ZNF292: variants seen among roughly 807,000 people sequenced by gnomAD.
ZNF292 encodes 16 zinc-finger domain protein.
A neutral mutation model predicts 217.9 loss-of-function variants in ZNF292; 26 were observed. That is an observed-to-expected ratio of 0.12 (90% CI 0.09 to 0.17). The LOEUF (loss-of-function observed/expected upper bound fraction) is 0.17. Ranked by LOEUF, ZNF292 falls within the 10% of genes least tolerant of loss-of-function variation. The probability of loss-of-function intolerance (pLI) is 1.00; values close to 1 mark genes in which losing one functional copy is unlikely to be tolerated. For synonymous variants in ZNF292, 1,257 were observed against 1,124.1 expected (o/e 1.12, Z -2.37); for missense variants, 2,904 against 3,175.2 (o/e 0.91, Z 2.05).
intron 1 of ZNF292, among the ~76,000 whole-genome samples, chr6:87,179,141 A>G (rs1238625210): frequency 1.5e-5 from 2 of 135,104 alleles, no homozygotes; most frequent in East Asian, 2.3e-4. Context: ...ACAAGTCTGT[A>G]TTTGTGATAT....
At chr6:87,240,710 G>A (rs1452608403) in intron 5 of ZNF292, among the ~76,000 whole-genome samples, 3 of 152,144 alleles carry the variant, frequency 2.0e-5, no homozygotes, top group East Asian at 1.9e-4. Flanking sequence ...GTGAGCCACC[G>A]GGCCCAGCCT....
intron 1 of ZNF292, among the ~76,000 whole-genome samples, chr6:87,214,168 ATATAATGTAGGCAGCTTGGG>A (rs900425236): frequency 2.0e-5 from 3 of 152,174 alleles, no homozygotes; most frequent in Non-Finnish European, 2.9e-5. Flanking sequence ...ATAATCTTGG[ATATAATGTAGGCAGCTTGGG>A]TATAATGTAG....
chr6:87,193,392 A>C (rs1771871095), intron 1 of ZNF292, among the ~76,000 whole-genome samples: 1 of 151,988 alleles, frequency 6.6e-6, no homozygotes, highest in Non-Finnish European at 1.5e-5. Context: ...AAAAATTCAA[A>C]AATTAGCCAG....
intron 4 of ZNF292, among the ~76,000 whole-genome samples, chr6:87,220,902 T>C (rs1425382341): frequency 4.6e-5 from 7 of 152,118 alleles, no homozygotes; most frequent in Non-Finnish European, 1.0e-4. Flanking sequence ...ACCAGAGAGA[T>C]GTTACATGAT....
chr6:87,212,586 T>TC (rs1356796813), intron 1 of ZNF292, among the ~76,000 whole-genome samples: 1 of 152,236 alleles, frequency 6.6e-6, no homozygotes. Context: ...AAAGACCAGT[T>TC]ATTTTTTATT....
Position 87,256,357 on chromosome 6 carries a change from C to T in ZNF292, c.2728C>T (p.Leu910Phe), listed in dbSNP as rs777620610. 6 of 1,611,110 alleles carry T rather than the reference C, an allele frequency of 3.7e-6. No homozygotes were observed. In the African/African-American group the frequency reaches 4.0e-5, roughly 11 times the overall value. ...ACAAGACCAGATTTCTGCCTCTGAG[C>T]TCAGGCAAGCTAATGGACCATTGTC... is the stretch of plus-strand genomic sequence containing the variant. The part of the protein sequence containing the change: ...TKQDQISASE[L>F]RQANGPLSNG... The change falls in exon 8 of 8, where the codon CTC (leucine) becomes TTC (phenylalanine). Residue 910 changes from leucine (L) to phenylalanine (F), a missense_variant. Physicochemically the swap from Leu to Phe is conservative, Grantham distance 22. This residue lies in a region of ZNF292 where 687 missense variants were observed against 623.0 expected (regional missense o/e 1.10). Transcript: ENST00000369577.
At chr6:87,227,321 C>A (rs533975828) in intron 4 of ZNF292, among the ~76,000 whole-genome samples, 33 of 152,228 alleles carry the variant, frequency 2.2e-4, no homozygotes, top group African/African-American at 7.9e-4. Context: ...AAATTAGACT[C>A]TCTGGGCAAC....
chr6:87,216,135 AC>A, intron 2 of ZNF292, 78 bp downstream of exon 2: 29 of 825,878 alleles, frequency 3.5e-5, no homozygotes, highest in South Asian at 4.8e-5. Context: ...ACACACACAC[AC>A]ACACACACAC....
At chr6:87,202,814 G>C (rs1180977752) in intron 1 of ZNF292, among the ~76,000 whole-genome samples, 2 of 151,998 alleles carry the variant, frequency 1.3e-5, no homozygotes, top group Non-Finnish European at 1.5e-5. Flanking sequence ...ATACAGTAAG[G>C]GGGGAGAGAA....
chr6:87,265,744 C>G lies in ZNF292; in HGVS notation c.*3943C>G, dbSNP rs144323725. Among the ~76,000 whole-genome samples, 277 of 152,282 alleles carry G rather than the reference C, an allele frequency of 1.8e-3. 2 individuals are homozygous for G. Among genetic ancestry groups the G allele is most frequent in the African/African-American group, 6.5e-3 (269 of 41,560 alleles). On this transcript the variant is annotated 3_prime_UTR_variant, in exon 8 of 8. Transcript: ENST00000369577. ...TTATTCAACCAGGACTGATAATCAA[C>G]GTGTACACCAATTCAATTGTATCAG...
In ZNF292 at chr6:87,255,842, A is replaced by G. The variant is rs373185165; in HGVS notation, c.2213A>G (p.Asn738Ser). 5.3e-5 allele frequency: 86 copies of G among 1,613,762 alleles called. No individual in the cohort carries two copies. The highest frequency in any genetic ancestry group is 1.3e-4 in the African/African-American group (10 of 74,940). ...RRHFVSVTHL[N>S]DHLQMHCGSK... ...CATTTTGTGAGTGTTACTCATCTCAATGATCACTTACAGATGCACTGTGGC... is the reference window on the plus strand; with the variant it reads ...CATTTTGTGAGTGTTACTCATCTCAGTGATCACTTACAGATGCACTGTGGC... The change falls in exon 8 of 8, where the codon AAT becomes AGT. Residue 738 changes from asparagine (N) to serine (S), a missense_variant. By Grantham distance (46) the Asn-to-Ser change is conservative (BLOSUM62 1). This residue lies in a region of ZNF292 where 216 missense variants were observed against 308.3 expected (regional missense o/e 0.70). Coordinates refer to ENST00000369577, the MANE Select transcript of ZNF292 (RefSeq NM_015021.3).
rs1265978936 is a variant in ZNF292, at chr6:87,239,609, G to A, written c.742-3866G>A. ...TTCCCAGACGGGGCGGCTGCTGGAC[G>A]GAGGGGCTCCTCACTTCTCAGACGG... On this transcript the variant is annotated intron_variant, in intron 5 of 7. Transcript: ENST00000369577. Among the ~76,000 whole-genome samples, 361 of 145,420 alleles carry A rather than the reference G, an allele frequency of 2.5e-3. 4 individuals carry two copies. The highest frequency in any genetic ancestry group is 8.3e-3 in the African/African-American group (319 of 38,478).
At chr6:87,229,169 T>C (rs891410223) in intron 4 of ZNF292, among the ~76,000 whole-genome samples, 4 of 152,326 alleles carry the variant, frequency 2.6e-5, no homozygotes, top group African/African-American at 7.2e-5. Context: ...TTGTTTTTGT[T>C]GCAATTGTAA....
At position 87,235,149 on chromosome 6, in the gene ZNF292, T is replaced by C. The variant is rs60796072; in HGVS notation, c.741+1622T>C. ...ATTGCTATTATATATGAGAGCAAAA[T>C]AGAAGACTGACATTTTCTTATTAGT... On this transcript the variant is annotated intron_variant, in intron 5 of 7. Coordinates refer to ENST00000369577, the MANE Select transcript of ZNF292 (RefSeq NM_015021.3). 5.3e-4 allele frequency among the ~76,000 whole-genome samples: 80 copies of C among 152,318 alleles called. 6 individuals carry two copies. In the East Asian group the frequency reaches 0.015, roughly 29 times the overall value.
At chr6:87,243,640 A>C (rs1262660182) in intron 6 of ZNF292, 29 bp downstream of exon 6, 1 of 1,443,180 alleles carries the variant, frequency 6.9e-7, no homozygotes, top group Admixed American at 3.0e-5. Context: ...TTTTAAAGAA[A>C]TATTTGTTAA....
chr6:87,170,995 G>T (rs568470141), intron 1 of ZNF292, among the ~76,000 whole-genome samples: 96 of 152,112 alleles, frequency 6.3e-4, no homozygotes, highest in Non-Finnish European at 4.4e-4. Flanking sequence ...TTTTATGTAT[G>T]ATATGACCTA....
intron 5 of ZNF292, among the ~76,000 whole-genome samples, chr6:87,237,966 C>T (rs1417232891): frequency 6.6e-6 from 1 of 152,112 alleles, no homozygotes; most frequent in Non-Finnish European, 1.5e-5. Flanking sequence ...TTGTATATGA[C>T]TTCCTTATTC....
At chr6:87,205,102 C>G (rs1044059247) in intron 1 of ZNF292, among the ~76,000 whole-genome samples, 1 of 152,104 alleles carries the variant, frequency 6.6e-6, no homozygotes, top group African/African-American at 2.4e-5. Flanking sequence ...GACATGATAT[C>G]TCTCTCTGTC....
Position 87,263,772 on chromosome 6 carries a change from G to A in ZNF292, c.*1971G>A, listed in dbSNP as rs1413212903. 6.6e-6 allele frequency: 1 copy of A among 152,018 alleles called. No individual in the cohort carries two copies. The allele number at this position is 152,018 out of a possible 1,614,324, so 9.4% of individuals were successfully genotyped here. A position where few individuals can be genotyped will look rare whatever the true frequency, so the allele number is the denominator to read the frequency against. ...ATTAAATTTTTGTTAACAACTGAAT[G>A]TTTCCATACAGTTTTCTTAGAAATT... On this transcript the variant is annotated 3_prime_UTR_variant, in exon 8 of 8. Coordinates refer to ENST00000369577, the MANE Select transcript of ZNF292 (RefSeq NM_015021.3).
Sources: allele counts gnomAD v4.1 joint callset (sites outside exome capture counted in the v4.1 genomes callset), GRCh38; gene constraint gnomAD v4.1.1; regional missense constraint gnomAD v4.1.1; transcripts MANE v1.5; gene names NCBI Gene and HGNC (gene_info 2026-07-23, HGNC 2026-07-21).